The following LRRC37A2 variants were observed in gnomAD, a reference collection of about 807,000 sequenced individuals.
LRRC37A2 encodes leucine-rich repeat-containing protein 37A2.
A neutral mutation model predicts 68.8 loss-of-function variants in LRRC37A2; 9 were observed. The observed-to-expected ratio is 0.13, with a 90% confidence interval of 0.08 to 0.23. LRRC37A2 has a LOEUF of 0.23. Ranked by LOEUF, LRRC37A2 falls within the 10% of genes least tolerant of loss-of-function variation. The pLI, the probability that LRRC37A2 is intolerant of heterozygous loss-of-function variation, is 1.00. For missense variants in LRRC37A2, 168 were observed against 950.4 expected, an observed-to-expected ratio of 0.18 and a Z score of 10.82; for synonymous variants, 63 against 367.6, an observed-to-expected ratio of 0.17 and a Z score of 9.48.
At chr17:46,833,345 C>A in the LRRC37A2 span, 8 of 517,992 alleles carry the variant, frequency 1.5e-5, no homozygotes, top group African/African-American at 1.5e-4. Flanking sequence ...GTATCAATTG[C>A]ATGAAAGGAC....
chr17:46,852,217 C>G, the LRRC37A2 span, among the ~76,000 whole-genome samples: 1 of 152,224 alleles, frequency 6.6e-6, no homozygotes, highest in Non-Finnish European at 1.5e-5. Flanking sequence ...GGGCTGTTCC[C>G]GGTCTCGGGG....
chr17:46,838,992 C>T, the LRRC37A2 span, among the ~76,000 whole-genome samples: 827 of 152,256 alleles, frequency 5.4e-3, 6 homozygotes, highest in African/African-American at 0.019. Flanking sequence ...ATTCTCCTGC[C>T]TCAGCCTCCT....
the LRRC37A2 span, among the ~76,000 whole-genome samples, chr17:46,764,805 G>A: frequency 6.6e-6 from 1 of 152,174 alleles, no homozygotes; most frequent in Non-Finnish European, 1.5e-5. Flanking sequence ...GAGGGAGGTC[G>A]TATGAGTCAC....
chr17:46,789,752 G>T, the LRRC37A2 span, among the ~76,000 whole-genome samples: 7 of 152,326 alleles, frequency 4.6e-5, no homozygotes, highest in Middle Eastern at 6.8e-3. Flanking sequence ...ACTGCCCAGG[G>T]CTCCAGCTTG....
the LRRC37A2 span, chr17:46,704,919 G>A: frequency 1.0e-5 from 16 of 1,527,182 alleles, no homozygotes; most frequent in East Asian, 2.4e-4. Flanking sequence ...CAGGCGAAAA[G>A]TAAGTGCCAT....
chr17:46,750,367 T>TA, the LRRC37A2 span, among the ~76,000 whole-genome samples: 4 of 152,074 alleles, frequency 2.6e-5, no homozygotes, highest in African/African-American at 9.7e-5. Flanking sequence ...AAAAAATGCC[T>TA]AGGACCAGAA....
the LRRC37A2 span, chr17:46,769,942 C>T: frequency 2.8e-4 from 458 of 1,613,206 alleles, 1 homozygote; most frequent in African/African-American, 5.1e-3. Context: ...CCTTATGATG[C>T]GAGTCACAGC....
chr17:46,726,658 C>T, the LRRC37A2 span: 1 of 1,496,746 alleles, frequency 6.7e-7, no homozygotes, highest in Non-Finnish European at 9.3e-7. Context: ...TGCCACATTA[C>T]AGCTAATATC....
the LRRC37A2 span, among the ~76,000 whole-genome samples, chr17:46,815,734 CAAGG>C: frequency 6.6e-6 from 1 of 152,160 alleles, no homozygotes; most frequent in Non-Finnish European, 1.5e-5. Context: ...AAGCTGGTGT[CAAGG>C]AAGCCTGTGC....
chr17:46,935,390 CCT>C, the LRRC37A2 span: 1 of 1,438,648 alleles, frequency 7.0e-7, no homozygotes, highest in Non-Finnish European at 9.1e-7. Context: ...CATGAAGTGG[CCT>C]CTCTTAGGAT....
chr17:46,680,262 T>C, the LRRC37A2 span, among the ~76,000 whole-genome samples: 1 of 151,760 alleles, frequency 6.6e-6, no homozygotes, highest in Non-Finnish European at 1.5e-5. Context: ...ATTGAAACAA[T>C]GTTATATATT....
chr17:46,976,687 C>T, the LRRC37A2 span, among the ~76,000 whole-genome samples: 1 of 152,154 alleles, frequency 6.6e-6, no homozygotes, highest in African/African-American at 2.4e-5. Context: ...GGTGGAAAAG[C>T]GTGTAAGCCT....
chr17:46,414,965 C>T, the LRRC37A2 span, among the ~76,000 whole-genome samples: 1 of 5,898 alleles, frequency 1.7e-4, no homozygotes, highest in East Asian at 1.4e-3. Context: ...GGTGCAGTGG[C>T]ATGATCTCAG....
At chr17:46,625,850 C>G in the LRRC37A2 span, among the ~76,000 whole-genome samples, 1 of 103,632 alleles carries the variant, frequency 9.6e-6, no homozygotes, top group South Asian at 3.2e-4. Context: ...TTGAGGCCAG[C>G]CTGGTCAACA....
At chr17:46,558,970 G>A (rs1402846930), downstream of LRRC37A2, 12 of 100,932 alleles carry the variant, frequency 1.2e-4, no homozygotes, top group African/African-American at 4.6e-5. Flanking sequence ...GAGTCCCCGC[G>A]CCCGGCAAAG....
chr17:46,707,827 T>C, the LRRC37A2 span, among the ~76,000 whole-genome samples: 1 of 151,318 alleles, frequency 6.6e-6, no homozygotes, highest in Non-Finnish European at 1.5e-5. Flanking sequence ...AAGTCAGGAG[T>C]TCAAAACTAG....
the LRRC37A2 span, among the ~76,000 whole-genome samples, chr17:46,862,775 G>A: frequency 1.3e-5 from 2 of 152,164 alleles, no homozygotes; most frequent in African/African-American, 4.8e-5. Flanking sequence ...GTAGAGATGG[G>A]GTTTTACCAT....
chr17:46,957,036 C>T, the LRRC37A2 span, among the ~76,000 whole-genome samples: 3 of 152,160 alleles, frequency 2.0e-5, no homozygotes, highest in African/African-American at 7.2e-5. Flanking sequence ...GAGCTGGGTA[C>T]GGTGGCTCAC....
the LRRC37A2 span, chr17:47,027,468 T>C: frequency 4.3e-6 from 3 of 692,010 alleles, no homozygotes; most frequent in South Asian, 3.1e-5. Flanking sequence ...AAAATGTGTA[T>C]CCAATATTAT....
Sources: gnomAD v4.1 joint callset for allele counts (sites outside exome capture counted in the v4.1 genomes callset) on GRCh38, gnomAD v4.1.1 for gene constraint, MANE v1.5 for transcripts, NCBI Gene and HGNC (gene_info 2026-07-23, HGNC 2026-07-21) for gene names.